MYO5B: variants seen among roughly 807,000 people sequenced by gnomAD.
MYO5B encodes unconventional myosin-Vb.
MYO5B carries 143 observed loss-of-function variants against 229.3 expected under a neutral mutation model. The ratio of observed to expected loss-of-function variants is 0.62; its 90% confidence interval spans 0.54 to 0.72. The LOEUF is 0.72. Ranked by LOEUF, MYO5B falls within the 30% of genes least tolerant of loss-of-function variation. The probability of loss-of-function intolerance (pLI) is 0.00; values close to 1 mark genes in which losing one functional copy is unlikely to be tolerated. For synonymous variants in MYO5B, 918 were observed against 885.2 expected, an observed-to-expected ratio of 1.04 and a Z score of -0.66; for missense variants, 2,321 against 2,331.0, an observed-to-expected ratio of 1.00 and a Z score of 0.09.
In MYO5B at chr18:49,936,032, G is replaced by T. The variant is rs1020766617; in HGVS notation, c.2003+220C>A. ...GCACATTCCTGACCACCACTATACG[G>T]GGAACGGCATTTTTTCTCTTAAGAC... is the stretch of plus-strand genomic sequence containing the variant. On this transcript the variant is annotated intron_variant, in intron 16 of 39. Transcript: ENST00000285039. Among the ~76,000 whole-genome samples the T allele has an allele frequency of 2.6e-5, 4 of 152,210 alleles. No homozygotes were observed. The East Asian group carries it at 7.7e-4, about 29-fold the overall frequency.
intron 1 of MYO5B, among the ~76,000 whole-genome samples, chr18:50,158,999 A>G (rs2032724011): frequency 6.6e-6 from 1 of 152,212 alleles, no homozygotes; most frequent in Admixed American, 6.5e-5. Context: ...GGCTGCACAA[A>G]GCCCTGCAAA....
At chr18:49,848,376 CTTACAT>C (rs1379903910) in intron 32 of MYO5B, among the ~76,000 whole-genome samples, 1 of 152,138 alleles carries the variant, frequency 6.6e-6, no homozygotes, top group Non-Finnish European at 1.5e-5. Flanking sequence ...GGGTGGGACT[CTTACAT>C]CCAGGTTCAA....
chr18:50,048,350 G>T (rs1199221806), intron 2 of MYO5B, among the ~76,000 whole-genome samples: 1 of 152,154 alleles, frequency 6.6e-6, no homozygotes, highest in Non-Finnish European at 1.5e-5. Context: ...AAGTTATGAG[G>T]AAGTAGCAAA....
chr18:50,122,632 GGGGA>G (rs2032082032), intron 1 of MYO5B, among the ~76,000 whole-genome samples: 1 of 13,408 alleles, frequency 7.5e-5, no homozygotes, highest in Non-Finnish European at 1.7e-4. Context: ...GGGAAGGGGG[GGGGA>G]GAGAGAGAGA....
At chr18:49,843,523 A>C (rs2024088254) in intron 33 of MYO5B, 131 bp from the exon 34 acceptor site, 2 of 1,203,196 alleles carry the variant, frequency 1.7e-6, no homozygotes, top group Non-Finnish European at 2.4e-6. Flanking sequence ...TGTCTCAAAG[A>C]GGATTGGGAG....
chr18:49,898,562 C>G (rs2024806705), intron 21 of MYO5B, among the ~76,000 whole-genome samples: 2 of 152,304 alleles, frequency 1.3e-5, no homozygotes, highest in South Asian at 4.1e-4. Context: ...GAAATGGTCT[C>G]AAGAACCAGC....
At chr18:49,936,794 G>C (rs1017244502) in intron 15 of MYO5B, among the ~76,000 whole-genome samples, 1 of 152,132 alleles carries the variant, frequency 6.6e-6, no homozygotes, top group Non-Finnish European at 1.5e-5. Flanking sequence ...ACAAATGTTA[G>C]GTGGTGGCTG....
chr18:49,831,552 TGA>T (rs1437569375), intron 39 of MYO5B, among the ~76,000 whole-genome samples: 8 of 152,032 alleles, frequency 5.3e-5, no homozygotes, highest in Non-Finnish European at 1.0e-4. Flanking sequence ...CAAACCACAA[TGA>T]GATGCCACTT....
intron 21 of MYO5B, among the ~76,000 whole-genome samples, chr18:49,897,675 A>G (rs1165631198): frequency 1.3e-5 from 2 of 152,238 alleles, no homozygotes; most frequent in Admixed American, 6.5e-5. Flanking sequence ...ATTACAAAGA[A>G]GCCACAAGTT....
At chr18:49,858,533 G>T (rs1286266433) in intron 29 of MYO5B, among the ~76,000 whole-genome samples, 1 of 152,200 alleles carries the variant, frequency 6.6e-6, no homozygotes, top group Non-Finnish European at 1.5e-5. Context: ...ACCCCCCAGG[G>T]AGGGGCTGCT....
chr18:50,010,382 C>G (rs1323579943), intron 4 of MYO5B, among the ~76,000 whole-genome samples: 2 of 152,192 alleles, frequency 1.3e-5, no homozygotes, highest in African/African-American at 4.8e-5. Context: ...GGGAGTGCCA[C>G]CCAGCCCACC....
At chr18:50,095,532 C>T in intron 1 of MYO5B, among the ~76,000 whole-genome samples, 1 of 152,214 alleles carries the variant, frequency 6.6e-6, no homozygotes, top group Non-Finnish European at 1.5e-5. Flanking sequence ...CTGCTGGGCA[C>T]TCTTTGTGGG....
intron 22 of MYO5B, among the ~76,000 whole-genome samples, chr18:49,890,241 G>C (rs1212229960): frequency 6.6e-6 from 1 of 152,236 alleles, no homozygotes; most frequent in African/African-American, 2.4e-5. Context: ...CCCCCACTTT[G>C]TGGTGTCAGG....
intron 25 of MYO5B, chr18:49,876,224 C>T (rs1489225436): frequency 3.1e-6 from 1 of 322,594 alleles, no homozygotes; most frequent in Non-Finnish European, 6.0e-6. Flanking sequence ...GATGAGGAAT[C>T]AACATGGTTA....
chr18:49,829,166 C>A (rs1483888902), intron 39 of MYO5B, among the ~76,000 whole-genome samples: 2 of 151,264 alleles, frequency 1.3e-5, no homozygotes, highest in Non-Finnish European at 2.9e-5. Context: ...ACAATCTCCG[C>A]CTCCCAGGTT....
chr18:50,155,610 G>C (rs868687369), intron 1 of MYO5B, among the ~76,000 whole-genome samples: 1 of 152,158 alleles, frequency 6.6e-6, no homozygotes, highest in African/African-American at 2.4e-5. Flanking sequence ...TGTTTTGCCC[G>C]GCACTCCCAA....
chr18:50,078,705 C>A (rs943807429), intron 1 of MYO5B, among the ~76,000 whole-genome samples: 2 of 152,140 alleles, frequency 1.3e-5, no homozygotes, highest in Admixed American at 6.5e-5. Context: ...GCATAAGACC[C>A]ACCACACCCA....
At chr18:50,084,242 A>G (rs1284043065) in intron 1 of MYO5B, among the ~76,000 whole-genome samples, 1 of 152,204 alleles carries the variant, frequency 6.6e-6, no homozygotes, top group African/African-American at 2.4e-5. Context: ...CCCAGAATTC[A>G]TTCGTCCTCC....
At chr18:50,138,586 T>C (rs1392639822) in intron 1 of MYO5B, among the ~76,000 whole-genome samples, 2 of 152,080 alleles carry the variant, frequency 1.3e-5, no homozygotes, top group Non-Finnish European at 2.9e-5. Flanking sequence ...TTGGTGGAGC[T>C]TGCAGGAATC....
Sources: allele counts gnomAD v4.1 joint callset (sites outside exome capture counted in the v4.1 genomes callset), GRCh38; gene constraint gnomAD v4.1.1; transcripts MANE v1.5; gene names NCBI Gene and HGNC (gene_info 2026-07-23, HGNC 2026-07-21).